SV2C: variants seen among roughly 807,000 people sequenced by gnomAD.
SV2C encodes the protein solute carrier family 22 member B3.
In SV2C, 49 loss-of-function variants were observed where a neutral mutation model predicts 79.7. The observed-to-expected ratio is 0.61, with a 90% CI of 0.49 to 0.78. The LOEUF (loss-of-function observed/expected upper bound fraction) is 0.78. Among genes scored for constraint, SV2C ranks in the 30% least tolerant of loss-of-function variants. The pLI is 0.00. For missense variants in SV2C, 833 were observed against 912.9 expected (o/e 0.91, Z 1.13); for synonymous variants, 334 against 333.2 (o/e 1.00, Z -0.03).
the SV2C span, among the ~76,000 whole-genome samples, chr5:76,003,534 T>C: frequency 5.0e-3 from 754 of 152,304 alleles, 8 homozygotes; most frequent in African/African-American, 0.017. Context: ...CGTGAAATCC[T>C]TTTCTTCAGT....
the SV2C span, among the ~76,000 whole-genome samples, chr5:76,027,921 T>A: frequency 6.6e-6 from 1 of 152,234 alleles, no homozygotes; most frequent in Admixed American, 6.5e-5. Context: ...TACCTCTAAT[T>A]CTCTTAGGTG....
At chr5:76,118,652 A>T (rs1748365609) in intron 1 of SV2C, among the ~76,000 whole-genome samples, 1 of 152,120 alleles carries the variant, frequency 6.6e-6, no homozygotes, top group African/African-American at 2.4e-5. Context: ...AATTGTCACA[A>T]CCTTTCTGAG....
chr5:76,316,552 T>A (rs1748627014), intron 12 of SV2C, among the ~76,000 whole-genome samples: 1 of 152,194 alleles, frequency 6.6e-6, no homozygotes, highest in African/African-American at 2.4e-5. Flanking sequence ...CAGATTGCTA[T>A]CCTAATCCTA....
At chr5:75,964,486 C>A in the SV2C span, among the ~76,000 whole-genome samples, 1 of 152,164 alleles carries the variant, frequency 6.6e-6, no homozygotes. Context: ...AGGAAAGCCA[C>A]TGGCATAGTT....
chr5:76,241,798 G>T (rs1485425752), intron 4 of SV2C, among the ~76,000 whole-genome samples: 1 of 152,122 alleles, frequency 6.6e-6, no homozygotes, highest in Non-Finnish European at 1.5e-5. Context: ...AACTAGAAGG[G>T]AAAGGTGTTT....
intron 2 of SV2C, among the ~76,000 whole-genome samples, chr5:76,173,348 T>G (rs1298669868): frequency 6.6e-6 from 1 of 152,042 alleles, no homozygotes; most frequent in Non-Finnish European, 1.5e-5. Flanking sequence ...ACAACATTGG[T>G]GGATGAAGAA....
intron 12 of SV2C, among the ~76,000 whole-genome samples, chr5:76,312,973 G>A (rs1370906758): frequency 1.3e-5 from 2 of 152,150 alleles, no homozygotes; most frequent in Non-Finnish European, 2.9e-5. Flanking sequence ...GAGTTCTCTT[G>A]TTTCCTCCCC....
At chr5:76,023,684 G>GTGTATATATA in the SV2C span, among the ~76,000 whole-genome samples, 13 of 148,846 alleles carry the variant, frequency 8.7e-5, no homozygotes, top group East Asian at 4.0e-4. Flanking sequence ...ATGTGTGTGT[G>GTGTATATATA]TATATATATA....
chr5:76,204,034 CAGAA>C (rs1744533423), intron 3 of SV2C, among the ~76,000 whole-genome samples: 1 of 152,184 alleles, frequency 6.6e-6, no homozygotes, highest in Non-Finnish European at 1.5e-5. Flanking sequence ...CTAGCCTATT[CAGAA>C]AGAGTGTTAG....
chr5:76,274,719 G>A (rs1182302898), intron 4 of SV2C, among the ~76,000 whole-genome samples: 1 of 145,010 alleles, frequency 6.9e-6, no homozygotes, highest in African/African-American at 2.6e-5. Context: ...TTGAGAAGGA[G>A]ATGAAAAATC....
rs1041905051 is a variant in SV2C, at chr5:76,231,160, T to A, written c.913+21273T>A. ...TCAGTTCAGTTGTTTTTCTTTGGCC[T>A]TCAAAGACCTAAGTGTTACAGTTAC... On this transcript the variant is annotated intron_variant, in intron 4 of 12. Coordinates refer to ENST00000502798, the MANE Select transcript of SV2C (RefSeq NM_014979.4). Among the ~76,000 whole-genome samples the A allele has an allele frequency of 1.1e-4, 16 of 152,328 alleles. No individual in the cohort carries two copies. The Middle Eastern group carries it at 0.014, about 130-fold the overall frequency.
intron 1 of SV2C, among the ~76,000 whole-genome samples, chr5:76,096,903 A>G (rs751594689): frequency 1.4e-4 from 21 of 152,308 alleles, no homozygotes; most frequent in Middle Eastern, 3.4e-3. Context: ...GATTTAAATT[A>G]TACCATTGAC....
At chr5:76,110,992 G>T (rs1466413496) in intron 1 of SV2C, among the ~76,000 whole-genome samples, 2 of 152,138 alleles carry the variant, frequency 1.3e-5, no homozygotes, top group Non-Finnish European at 2.9e-5. Flanking sequence ...TTTTCTACAA[G>T]ATCTACCCTA....
intron 4 of SV2C, among the ~76,000 whole-genome samples, chr5:76,239,417 C>G (rs541298319): frequency 6.6e-6 from 1 of 152,298 alleles, no homozygotes; most frequent in African/African-American, 2.4e-5. Flanking sequence ...TGGCTTAAAA[C>G]AATAACCATT....
chr5:76,205,801 G>A (rs1280786792), intron 3 of SV2C, among the ~76,000 whole-genome samples: 1 of 152,082 alleles, frequency 6.6e-6, no homozygotes, highest in Non-Finnish European at 1.5e-5. Flanking sequence ...TTAATATTTT[G>A]GACTGGATAG....
intron 1 of SV2C, among the ~76,000 whole-genome samples, chr5:76,088,515 TCC>T (rs2112091249): frequency 6.6e-6 from 1 of 152,238 alleles, no homozygotes; most frequent in Non-Finnish European, 1.5e-5. Flanking sequence ...GCAAGGCACC[TCC>T]CTTCAGCGTC....
chr5:75,970,125 C>A, the SV2C span, among the ~76,000 whole-genome samples: 7 of 151,854 alleles, frequency 4.6e-5, no homozygotes, highest in Non-Finnish European at 8.8e-5. Flanking sequence ...TTGAAACCAA[C>A]GAGAACAAAG....
chr5:76,025,212 C>A, the SV2C span, among the ~76,000 whole-genome samples: 3 of 150,898 alleles, frequency 2.0e-5, no homozygotes, highest in Non-Finnish European at 4.4e-5. Context: ...TTATAATAAC[C>A]CAAACACCTA....
chr5:76,177,252 T>C (rs1020682824), intron 2 of SV2C, among the ~76,000 whole-genome samples: 12 of 150,134 alleles, frequency 8.0e-5, no homozygotes, highest in African/African-American at 2.9e-4. Context: ...TTCTTAATGC[T>C]GTATTTCTTA....
Sources: gnomAD v4.1 joint callset for allele counts (sites outside exome capture counted in the v4.1 genomes callset) on GRCh38, gnomAD v4.1.1 for gene constraint, MANE v1.5 for transcripts, NCBI Gene and HGNC (gene_info 2026-07-23, HGNC 2026-07-21) for gene names.